DOCK1: variants seen among roughly 807,000 people sequenced by gnomAD.
DOCK1 encodes dedicator of cytokinesis 1.
In DOCK1, 138 loss-of-function variants were observed where a neutral mutation model predicts 262.7. The observed-to-expected ratio is 0.53, with a 90% CI of 0.46 to 0.61. The LOEUF (loss-of-function observed/expected upper bound fraction) is 0.61, where lower values mean the gene tolerates loss of function less well. Among genes scored for constraint, DOCK1 ranks in the 20% least tolerant of loss-of-function variants. DOCK1 has a pLI of 0.00. For missense variants in DOCK1, 1,908 were observed against 2,370.7 expected, an observed-to-expected ratio of 0.80 and a Z score of 4.05; for synonymous variants, 866 against 867.4, an observed-to-expected ratio of 1.00 and a Z score of 0.03.
chr10:127,375,597 A>G (rs1279752533), intron 35 of DOCK1, among the ~76,000 whole-genome samples: 2 of 152,220 alleles, frequency 1.3e-5, no homozygotes, highest in South Asian at 4.1e-4. Context: ...ACGAAAAGGA[A>G]TGCTTTCACT....
intron 41 of DOCK1, 45 bp downstream of exon 41, chr10:127,409,223 C>A: frequency 6.2e-7 from 1 of 1,612,104 alleles, no homozygotes; most frequent in Non-Finnish European, 8.5e-7. Flanking sequence ...CATGGTGATG[C>A]CATTCATTTG....
intron 18 of DOCK1, 84 bp downstream of exon 18, chr10:127,032,404 T>C (rs2043302738): frequency 7.1e-7 from 1 of 1,406,706 alleles, no homozygotes; most frequent in Non-Finnish European, 9.4e-7. Context: ...TGTGGAGGTG[T>C]GCTCCGTAGG....
At chr10:127,072,757 A>C (rs991892026) in intron 23 of DOCK1, among the ~76,000 whole-genome samples, 1 of 152,212 alleles carries the variant, frequency 6.6e-6, no homozygotes, top group Non-Finnish European at 1.5e-5. Context: ...GTTATCTCTT[A>C]GGATCCTCCC....
intron 37 of DOCK1, 93 bp downstream of exon 37, chr10:127,381,461 C>A: frequency 5.3e-6 from 6 of 1,128,974 alleles, no homozygotes; most frequent in South Asian, 3.5e-5. Flanking sequence ...TTTTAGTAGG[C>A]CTATAACTTA....
intron 15 of DOCK1, chr10:127,025,828 T>A (rs1192542659): frequency 6.4e-6 from 1 of 156,606 alleles, no homozygotes; most frequent in African/African-American, 2.4e-5. Context: ...TTTGGGAGGC[T>A]GAGGTGGGCA....
chr10:126,969,568 CT>C (rs1417201202), intron 1 of DOCK1, among the ~76,000 whole-genome samples: 1 of 152,152 alleles, frequency 6.6e-6, no homozygotes, highest in African/African-American at 2.4e-5. Flanking sequence ...AGATGGGAAG[CT>C]TTGCGTGGTG....
rs937644430 is a variant in DOCK1 at position 127,376,060 on chromosome 10, A to T, written c.3675+1846A>T. Among the ~76,000 whole-genome samples the T allele has an allele frequency of 2.0e-5, 3 of 152,340 alleles. No homozygotes were observed. In the South Asian group the frequency reaches 6.2e-4, roughly 32 times the overall value. ...CATTAGTACAATGCACGCTAAAGAC[A>T]AAAACACAGTGAAGGGGCAGAGCAG... On this transcript the variant is annotated intron_variant, in intron 35 of 51. Transcript: ENST00000623213.
intron 29 of DOCK1, among the ~76,000 whole-genome samples, chr10:127,276,363 A>T (rs1211011038): frequency 2.6e-5 from 4 of 152,034 alleles, no homozygotes; most frequent in Non-Finnish European, 4.4e-5. Context: ...GATATTTGGG[A>T]GGGGACAGGG....
chr10:126,943,234 CAGAG>C (rs2035153762), intron 1 of DOCK1, among the ~76,000 whole-genome samples: 1 of 152,310 alleles, frequency 6.6e-6, no homozygotes, highest in African/African-American at 2.4e-5. Context: ...GCCTGGGTGA[CAGAG>C]AGAGACTCCA....
At chr10:127,418,568 G>T (rs201806905) in intron 45 of DOCK1, 27 bp downstream of exon 45, 109 of 1,603,206 alleles carry the variant, frequency 6.8e-5, no homozygotes, top group Non-Finnish European at 8.6e-5. Context: ...CTTGCTCTGG[G>T]CAAGCAGTCC....
chr10:127,427,348 G>A (rs1022373390), intron 47 of DOCK1, among the ~76,000 whole-genome samples: 3 of 152,150 alleles, frequency 2.0e-5, no homozygotes, highest in Non-Finnish European at 4.4e-5. Context: ...GCCCAGGGCC[G>A]CCTGTCCACC....
At chr10:126,915,598 T>C (rs1410237129) in intron 1 of DOCK1, among the ~76,000 whole-genome samples, 1 of 152,142 alleles carries the variant, frequency 6.6e-6, no homozygotes, top group African/African-American at 2.4e-5. Flanking sequence ...TTTGTATTTT[T>C]AGTAGTAACA....
At chr10:127,325,215 C>G (rs1009266887) in intron 29 of DOCK1, among the ~76,000 whole-genome samples, 6 of 152,108 alleles carry the variant, frequency 3.9e-5, no homozygotes, top group Non-Finnish European at 8.8e-5. Context: ...TAAGAATAGC[C>G]GAAGCACCCA....
intron 1 of DOCK1, among the ~76,000 whole-genome samples, chr10:126,956,520 A>G (rs2036752647): frequency 6.6e-6 from 1 of 152,132 alleles, no homozygotes; most frequent in African/African-American, 2.4e-5. Context: ...GGAAGATGGC[A>G]AGACACTGCA....
intron 29 of DOCK1, among the ~76,000 whole-genome samples, chr10:127,309,753 T>C (rs1431269619): frequency 6.6e-6 from 1 of 152,218 alleles, no homozygotes; most frequent in East Asian, 1.9e-4. Context: ...TTAAGGCTGG[T>C]TGAGACCAGC....
In DOCK1 at chr10:127,451,316, T is replaced by C; in HGVS notation, c.5566-16T>C. ...CATCAGTTATGTGACATCTTCCCCA[T>C]CCTCATGTTTTTTAGCATCTGCCAC... On this transcript the variant is annotated splice_polypyrimidine_tract_variant and intron_variant, in intron 51 of 51. Transcript: ENST00000623213. 1 of 1,578,554 alleles carries C rather than the reference T, an allele frequency of 6.3e-7. No individual in the cohort carries two copies. Among genetic ancestry groups the C allele is most frequent in the South Asian group, 1.2e-5 (1 of 85,618 alleles).
chr10:126,985,506 C>T (rs1272668147), intron 4 of DOCK1, among the ~76,000 whole-genome samples: 8 of 152,144 alleles, frequency 5.3e-5, no homozygotes, highest in Non-Finnish European at 1.5e-5. Flanking sequence ...AAGGTGGAAC[C>T]AGAACCAACA....
intron 23 of DOCK1, among the ~76,000 whole-genome samples, chr10:127,095,370 C>G (rs2047845087): frequency 6.6e-6 from 1 of 152,200 alleles, no homozygotes; most frequent in African/African-American, 2.4e-5. Context: ...ACCACATTTT[C>G]TTCTGTTCTC....
intron 27 of DOCK1, among the ~76,000 whole-genome samples, chr10:127,153,418 G>A (rs144687569): frequency 5.9e-5 from 9 of 152,312 alleles, no homozygotes; most frequent in African/African-American, 2.2e-4. Flanking sequence ...ATCCTCGAGA[G>A]TTCCCAGGAA....
Sources: gnomAD v4.1 joint callset for allele counts (sites outside exome capture counted in the v4.1 genomes callset) on GRCh38, gnomAD v4.1.1 for gene constraint, MANE v1.5 for transcripts, NCBI Gene and HGNC (gene_info 2026-07-23, HGNC 2026-07-21) for gene names.